The following EPM2A variants were observed in gnomAD, a reference collection of about 807,000 sequenced individuals.
The protein encoded by EPM2A is laforin.
A neutral mutation model predicts 26.5 loss-of-function variants in EPM2A; 21 were observed. That is an observed-to-expected ratio of 0.79 (90% CI 0.56 to 1.14). The LOEUF is 1.14. EPM2A is among the 50% of genes most tolerant of loss of function. The pLI is 0.00. For synonymous variants in EPM2A, 217 were observed against 177.6 expected (o/e 1.22, Z -1.76); for missense variants, 458 against 440.8 (o/e 1.04, Z -0.35).
At chr6:145,716,609 G>T (rs1023899269) in intron 1 of EPM2A, among the ~76,000 whole-genome samples, 1 of 152,034 alleles carries the variant, frequency 6.6e-6, no homozygotes, top group Non-Finnish European at 1.5e-5. Context: ...ACAGCCTCCT[G>T]CAGCTGCCAT....
At chr6:145,550,946 T>TA (rs983847921) in intron 2 of EPM2A, among the ~76,000 whole-genome samples, 1 of 151,920 alleles carries the variant, frequency 6.6e-6, no homozygotes, top group Admixed American at 6.6e-5. Flanking sequence ...AATCAAAACT[T>TA]ACATGTGAAT....
chr6:145,409,479 T>C (rs1054684032), intron 4 of EPM2A, among the ~76,000 whole-genome samples: 2 of 152,200 alleles, frequency 1.3e-5, no homozygotes, highest in Non-Finnish European at 2.9e-5. Context: ...CTATGATGTT[T>C]AATAATATAT....
In EPM2A at chr6:145,516,525, T is replaced by C. The variant is rs79294042; in HGVS notation, c.341-13950A>G. Among the ~76,000 whole-genome samples, 15 of 152,228 alleles carry C rather than the reference T, an allele frequency of 9.9e-5. No individual in the cohort carries two copies. The East Asian group carries it at 2.7e-3, about 27-fold the overall frequency. ...GAACAGAGAGTATCAAAGAGACTGATAGCATTTAAATTTGGGCCACCACAG... is the reference window on the plus strand; with the variant it reads ...GAACAGAGAGTATCAAAGAGACTGACAGCATTTAAATTTGGGCCACCACAG... On this transcript the variant is annotated intron_variant, in intron 2 of 3. Coordinates refer to the EPM2A transcript ENST00000450221.
At chr6:145,488,295 T>C (rs180747519) in intron 4 of EPM2A, among the ~76,000 whole-genome samples, 2 of 152,276 alleles carry the variant, frequency 1.3e-5, no homozygotes, top group Admixed American at 1.3e-4. Flanking sequence ...GCTTTGGATA[T>C]TCAAGCTCTT....
At chr6:145,538,436 A>G (rs1325973225) in intron 2 of EPM2A, among the ~76,000 whole-genome samples, 1 of 152,242 alleles carries the variant, frequency 6.6e-6, no homozygotes, top group Admixed American at 6.5e-5. Context: ...CTCTTCATCA[A>G]GAGCTCCTTA....
intron 4 of EPM2A, among the ~76,000 whole-genome samples, chr6:145,474,518 C>A (rs1779517992): frequency 6.6e-6 from 1 of 151,882 alleles, no homozygotes. Flanking sequence ...CCATAAAAAC[C>A]CTAGAAGAAA....
intron 2 of EPM2A, among the ~76,000 whole-genome samples, chr6:145,534,581 C>G (rs553001889): frequency 6.6e-6 from 1 of 152,216 alleles, no homozygotes; most frequent in South Asian, 2.1e-4. Context: ...ATGAAAGGTT[C>G]AGTCAATGCA....
chr6:145,685,489 A>T (rs901397799), intron 2 of EPM2A, among the ~76,000 whole-genome samples: 1 of 152,132 alleles, frequency 6.6e-6, no homozygotes, highest in Admixed American at 6.6e-5. Flanking sequence ...TGGTACATTA[A>T]CAAGCAACAC....
intron 2 of EPM2A, among the ~76,000 whole-genome samples, chr6:145,511,596 T>C (rs905159475): frequency 2.0e-5 from 3 of 152,090 alleles, no homozygotes; most frequent in African/African-American, 7.2e-5. Flanking sequence ...ATAGACGGAA[T>C]GTATCTCAAA....
At chr6:145,729,931 G>A (rs1776399668) in intron 1 of EPM2A, among the ~76,000 whole-genome samples, 2 of 152,146 alleles carry the variant, frequency 1.3e-5, no homozygotes, top group East Asian at 3.8e-4. Flanking sequence ...ATTAAATCAT[G>A]GGGGTGGACT....
intron 1 of EPM2A, among the ~76,000 whole-genome samples, chr6:145,687,645 T>G (rs1562490150): frequency 6.6e-6 from 1 of 152,198 alleles, no homozygotes; most frequent in Non-Finnish European, 1.5e-5. Context: ...GTGATTCATT[T>G]GTTCTTTTCT....
chr6:145,612,996 T>C (rs1232969003), intron 2 of EPM2A, among the ~76,000 whole-genome samples: 1 of 152,094 alleles, frequency 6.6e-6, no homozygotes, highest in East Asian at 1.9e-4. Context: ...CCATTGACTC[T>C]TCCTTTCATG....
At chr6:145,402,048 G>A (rs1224929309) in intron 4 of EPM2A, among the ~76,000 whole-genome samples, 1 of 152,092 alleles carries the variant, frequency 6.6e-6, no homozygotes. Context: ...ATTAAAACTA[G>A]TGGGTGAGTG....
At chr6:145,460,348 A>G (rs887384541) in intron 4 of EPM2A, among the ~76,000 whole-genome samples, 1 of 152,192 alleles carries the variant, frequency 6.6e-6, no homozygotes, top group Non-Finnish European at 1.5e-5. Context: ...AACAAACTGT[A>G]TGATACTCCA....
chr6:145,415,430 A>G (rs1312799711), intron 4 of EPM2A, among the ~76,000 whole-genome samples: 1 of 152,222 alleles, frequency 6.6e-6, no homozygotes, highest in East Asian at 1.9e-4. Flanking sequence ...CACTACTAAC[A>G]TAATTTTTCC....
chr6:145,554,878 T>A (rs764221726), intron 2 of EPM2A, among the ~76,000 whole-genome samples: 31 of 152,100 alleles, frequency 2.0e-4, no homozygotes, highest in Non-Finnish European at 4.3e-4. Context: ...GGAAACTGAT[T>A]GTGCAGTTTG....
intron 2 of EPM2A, among the ~76,000 whole-genome samples, chr6:145,534,614 C>G (rs554854349): frequency 6.6e-6 from 1 of 152,238 alleles, no homozygotes; most frequent in Non-Finnish European, 1.5e-5. Flanking sequence ...AGGTCCTCTG[C>G]AGCTGCAGGA....
chr6:145,501,758 A>G (rs1299942012), exon 4 of EPM2A: 2 of 470,942 alleles, frequency 4.2e-6, no homozygotes, highest in Admixed American at 4.7e-5. Context: ...GTCGTCACCC[A>G]TCTGCCATCT....
intron 2 of EPM2A, among the ~76,000 whole-genome samples, chr6:145,563,924 C>G (rs1463251359): frequency 6.6e-6 from 1 of 152,154 alleles, no homozygotes; most frequent in Non-Finnish European, 1.5e-5. Flanking sequence ...CCTGAGGAAT[C>G]GGTTCCAGGA....
Sources: allele counts gnomAD v4.1 joint callset (sites outside exome capture counted in the v4.1 genomes callset), GRCh38; gene constraint gnomAD v4.1.1; transcripts MANE v1.5; gene names NCBI Gene and HGNC (gene_info 2026-07-23, HGNC 2026-07-21).